The following AGAP1 variants were observed in gnomAD, a reference collection of about 807,000 sequenced individuals.
AGAP1 encodes the protein ArfGAP with GTPase domain, ankyrin repeat and PH domain 1.
Under a neutral mutation model 105.3 loss-of-function variants are expected in AGAP1, and 29 were observed. The ratio of observed to expected loss-of-function variants is 0.28; its 90% CI spans 0.21 to 0.38. AGAP1 has a LOEUF of 0.38. Among genes scored for constraint, AGAP1 ranks in the 10% least tolerant of loss-of-function variants. The pLI is 1.00. For synonymous variants in AGAP1, 509 were observed against 485.9 expected (o/e 1.05, Z -0.63); for missense variants, 998 against 1,165.1 (o/e 0.86, Z 2.09).
chr2:236,011,566 G>A (rs555190047), intron 13 of AGAP1, among the ~76,000 whole-genome samples: 216 of 152,240 alleles, frequency 1.4e-3, no homozygotes, highest in African/African-American at 4.8e-3. Flanking sequence ...AAACACTAAC[G>A]GAATGCTCAC....
chr2:235,883,563 A>T lies in AGAP1; in HGVS notation c.1155+114A>T, dbSNP rs1396075891. Reference sequence around the variant, plus strand: ...TGTCTCTGTTTGAAGTGAAAGTCGTATTTGGTCTCCTGCTCAACTGTGAGA... The same window carrying T: ...TGTCTCTGTTTGAAGTGAAAGTCGTTTTTGGTCTCCTGCTCAACTGTGAGA... On this transcript the variant is annotated intron_variant, in intron 10 of 17. Transcript: ENST00000304032. This position sits in a 1 kb window ranked among gnomAD's most constrained non-coding sequence, Gnocchi z 4.5. 5.5e-5 allele frequency: 45 copies of T among 818,512 alleles called. No individual in the cohort carries two copies. Among genetic ancestry groups the T allele is most frequent in the Non-Finnish European group, 8.4e-5 (42 of 502,770 alleles). 50.7% of individuals were successfully genotyped at this position (818,512 alleles called of 1,614,324 possible).
At chr2:235,522,154 T>TAAA (rs1253175756) in intron 1 of AGAP1, among the ~76,000 whole-genome samples, 1 of 152,210 alleles carries the variant, frequency 6.6e-6, no homozygotes, top group Non-Finnish European at 1.5e-5. Flanking sequence ...TGAGGCTTCC[T>TAAA]GGCAGTTCCT....
rs1043878346 is a variant in AGAP1, at chr2:235,610,175, T to G, written c.164-99004T>G. ...CTCCTGGCTTCTGATCTGTGTTGACTGCTACCCGATAGAGCCACAGTCATC... is the reference window on the plus strand; with the variant it reads ...CTCCTGGCTTCTGATCTGTGTTGACGGCTACCCGATAGAGCCACAGTCATC... On this transcript the variant is annotated intron_variant, in intron 1 of 17. Coordinates refer to ENST00000304032, the MANE Select transcript of AGAP1 (RefSeq NM_001037131.3). The surrounding 1 kb of genome is among the most constrained non-coding windows in gnomAD (Gnocchi z 4.9). Among the ~76,000 whole-genome samples the G allele has an allele frequency of 1.3e-5, 2 of 152,180 alleles. No homozygotes were observed. Among genetic ancestry groups the G allele is most frequent in the African/African-American group, 4.8e-5 (2 of 41,436 alleles).
At chr2:235,774,931 C>G (rs1955747786) in intron 6 of AGAP1, among the ~76,000 whole-genome samples, 1 of 152,214 alleles carries the variant, frequency 6.6e-6, no homozygotes, top group African/African-American at 2.4e-5. Flanking sequence ...CCACCCCTCT[C>G]TGGTGCCAAA....
At position 235,789,576 on chromosome 2, in the gene AGAP1, C is replaced by G. The variant is rs1301297520; in HGVS notation, c.674-8183C>G. Among the ~76,000 whole-genome samples the G allele has an allele frequency of 1.3e-5, 2 of 152,112 alleles. No individual in the cohort carries two copies. The highest frequency in any genetic ancestry group is 4.8e-5 in the African/African-American group (2 of 41,406). ...CTTCACTAGAAGAAATTTAAGCAAG[C>G]TTGGCTTTTTAACCACAGCCTATTT... On this transcript the variant is annotated intron_variant, in intron 6 of 17. Transcript: ENST00000304032. The surrounding 1 kb of genome is among the most constrained non-coding windows in gnomAD (Gnocchi z 4.2).
intron 9 of AGAP1, among the ~76,000 whole-genome samples, chr2:235,841,448 G>A (rs1188161956): frequency 6.6e-6 from 1 of 152,096 alleles, no homozygotes; most frequent in East Asian, 1.9e-4. Context: ...GGGCAACATA[G>A]TGAGGCCCCA....
chr2:235,845,755 A>G lies in AGAP1; in HGVS notation c.1051-37590A>G, dbSNP rs74366015. Among the ~76,000 whole-genome samples, 7,871 of 151,864 alleles carry G rather than the reference A, an allele frequency of 0.052. 667 individuals carry two copies. Among genetic ancestry groups the G allele is most frequent in the African/African-American group, 0.18 (7,326 of 41,364 alleles). Reference sequence around the variant, plus strand: ...ATTAACCTTCTCCAGCTGCTCCGAGATGGTCACCAAGTCCTTCTTCCCTTT... The same window carrying G: ...ATTAACCTTCTCCAGCTGCTCCGAGGTGGTCACCAAGTCCTTCTTCCCTTT... On this transcript the variant is annotated intron_variant, in intron 9 of 17. Coordinates refer to ENST00000304032, the MANE Select transcript of AGAP1 (RefSeq NM_001037131.3). This position sits in a 1 kb window ranked among gnomAD's most constrained non-coding sequence, Gnocchi z 4.8.
At chr2:236,079,446 A>G (rs2058725164) in intron 16 of AGAP1, among the ~76,000 whole-genome samples, 1 of 149,776 alleles carries the variant, frequency 6.7e-6, no homozygotes, top group Admixed American at 6.7e-5. Flanking sequence ...AGTTGGGAGG[A>G]TCGCTTGAGC....
chr2:235,556,228 G>T lies in AGAP1; in HGVS notation c.163+61379G>T, dbSNP rs981930646. Among the ~76,000 whole-genome samples the T allele has an allele frequency of 1.3e-5, 2 of 152,242 alleles. No homozygotes were observed. Among genetic ancestry groups the T allele is most frequent in the African/African-American group, 4.8e-5 (2 of 41,472 alleles). ...CCCTCATGCCTTGGCCAATCACAGAGCACCCTTTCTGTCCAGGCCACTGAT... is the reference window on the plus strand; with the variant it reads ...CCCTCATGCCTTGGCCAATCACAGATCACCCTTTCTGTCCAGGCCACTGAT... On this transcript the variant is annotated intron_variant, in intron 1 of 17. Transcript: ENST00000304032. This position sits in a 1 kb window ranked among gnomAD's most constrained non-coding sequence, Gnocchi z 5.3.
At chr2:236,026,067 G>A (rs1031106783) in intron 13 of AGAP1, among the ~76,000 whole-genome samples, 2 of 152,242 alleles carry the variant, frequency 1.3e-5, no homozygotes, top group Non-Finnish European at 2.9e-5. Flanking sequence ...CCTGTCCACA[G>A]GGAGTGGCCT....
Position 235,874,270 on chromosome 2 carries a change from C to T in AGAP1, c.1051-9075C>T, listed in dbSNP as rs984352475. Among the ~76,000 whole-genome samples, 4 of 151,860 alleles carry T rather than the reference C, an allele frequency of 2.6e-5. No individual in the cohort carries two copies. Among genetic ancestry groups the T allele is most frequent in the South Asian group, 4.2e-4 (2 of 4,784 alleles). The stretch of plus-strand genomic sequence containing the variant: ...TTCACCATGTTTACCGGGATGGTCT[C>T]GATCTCCTGACCTTGTGATCTGCCG... On this transcript the variant is annotated intron_variant, in intron 9 of 17. Transcript: ENST00000304032. This position sits in a 1 kb window ranked among gnomAD's most constrained non-coding sequence, Gnocchi z 4.5.
intron 12 of AGAP1, among the ~76,000 whole-genome samples, chr2:235,949,829 C>G (rs1407279482): frequency 1.3e-5 from 2 of 152,186 alleles, no homozygotes; most frequent in Non-Finnish European, 2.9e-5. Flanking sequence ...CACCACAGTA[C>G]CAAAGGCCAG....
intron 17 of AGAP1, among the ~76,000 whole-genome samples, chr2:236,122,805 C>T (rs908997137): frequency 5.3e-5 from 8 of 151,334 alleles, no homozygotes; most frequent in African/African-American, 1.7e-4. Flanking sequence ...GCCTCAGCCT[C>T]CTGACACTAG....
chr2:235,544,314 G>A (rs186020681), intron 1 of AGAP1, among the ~76,000 whole-genome samples: 43 of 152,236 alleles, frequency 2.8e-4, no homozygotes, highest in African/African-American at 8.9e-4. Context: ...TGCAAGAAAC[G>A]CACCACCTAG....
chr2:235,975,351 T>A (rs2054816849), intron 13 of AGAP1, among the ~76,000 whole-genome samples: 1 of 152,220 alleles, frequency 6.6e-6, no homozygotes, highest in Non-Finnish European at 1.5e-5. Context: ...TGTTGTTTTT[T>A]TTCTTGCAGG....
At chr2:235,678,173 G>A (rs183142209) in intron 1 of AGAP1, among the ~76,000 whole-genome samples, 7 of 152,138 alleles carry the variant, frequency 4.6e-5, no homozygotes, top group Non-Finnish European at 8.8e-5. Context: ...TCACTCTTCC[G>A]GCTATTTCAG....
chr2:236,094,590 G>A (rs1299847678), intron 16 of AGAP1, among the ~76,000 whole-genome samples: 5 of 151,968 alleles, frequency 3.3e-5, no homozygotes, highest in Admixed American at 1.3e-4. Flanking sequence ...GGATTCAAGC[G>A]ATCCTCCCAT....
intron 1 of AGAP1, among the ~76,000 whole-genome samples, chr2:235,523,652 G>A (rs552113537): frequency 9.2e-5 from 14 of 152,312 alleles, no homozygotes; most frequent in African/African-American, 2.9e-4. Flanking sequence ...GGTGTTACCA[G>A]TCAGGGAGTG....
At chr2:235,695,355 T>C (rs1195156056) in intron 1 of AGAP1, among the ~76,000 whole-genome samples, 1 of 152,138 alleles carries the variant, frequency 6.6e-6, no homozygotes, top group Non-Finnish European at 1.5e-5. Context: ...AGGATTGAAA[T>C]TGGTAAAGAG....
Sources: gnomAD v4.1 joint callset for allele counts (sites outside exome capture counted in the v4.1 genomes callset) on GRCh38, gnomAD v4.1.1 for gene constraint, Gnocchi (gnomAD v3.1) non-coding constraint, MANE v1.5 for transcripts, NCBI Gene and HGNC (gene_info 2026-07-23, HGNC 2026-07-21) for gene names.